The following ATF7IP2 variants were observed in gnomAD, a reference collection of about 807,000 sequenced individuals.
The protein encoded by ATF7IP2 is activating transcription factor 7 interacting protein 2.
In ATF7IP2, 42 loss-of-function variants were observed where a neutral mutation model predicts 64.2. The ratio of observed to expected loss-of-function variants is 0.65; its 90% CI spans 0.51 to 0.85. The LOEUF (loss-of-function observed/expected upper bound fraction) is 0.85, where lower values mean the gene tolerates loss of function less well. Ranked by LOEUF, ATF7IP2 falls within the 40% of genes least tolerant of loss-of-function variation. The probability of loss-of-function intolerance (pLI) is 0.00; values close to 1 mark genes in which losing one functional copy is unlikely to be tolerated. For synonymous variants in ATF7IP2, 308 were observed against 272.8 expected (o/e 1.13, Z -1.27); for missense variants, 933 against 784.2 (o/e 1.19, Z -2.27).
Position 10,470,600 on chromosome 16 carries a change from A to G in ATF7IP2, c.1353-1510A>G, listed in dbSNP as rs182927826. Among the ~76,000 whole-genome samples, 1,133 of 152,094 alleles carry G rather than the reference A, an allele frequency of 7.4e-3. 9 individuals are homozygous for G. Among genetic ancestry groups the G allele is most frequent in the South Asian group, 0.032 (154 of 4,804 alleles). Reference sequence around the variant, plus strand: ...GGAGTTCAAGACCAGCCTGGCCAACATAAAAAAACATTTTTAAAAAAATTT... The same window carrying G: ...GGAGTTCAAGACCAGCCTGGCCAACGTAAAAAAACATTTTTAAAAAAATTT... On this transcript the variant is annotated intron_variant, in intron 9 of 13. Coordinates refer to ENST00000562102, the MANE Select transcript of ATF7IP2 (RefSeq NM_001393719.1).
chr16:10,393,408 A>G (rs888369217), intron 1 of ATF7IP2, among the ~76,000 whole-genome samples: 1 of 152,020 alleles, frequency 6.6e-6, no homozygotes, highest in Non-Finnish European at 1.5e-5. Flanking sequence ...ATAAGCCAAA[A>G]AGTGAAAGGC....
chr16:10,388,137 C>T (rs1049532939), intron 1 of ATF7IP2, among the ~76,000 whole-genome samples: 18 of 152,112 alleles, frequency 1.2e-4, no homozygotes, highest in Non-Finnish European at 1.9e-4. Flanking sequence ...GTGATCAGCC[C>T]GCCTCTGCCT....
At chr16:10,453,094 G>A (rs958001074) in intron 8 of ATF7IP2, among the ~76,000 whole-genome samples, 3 of 152,120 alleles carry the variant, frequency 2.0e-5, no homozygotes, top group African/African-American at 2.4e-5. Flanking sequence ...AAGAGTGAAC[G>A]GTTCTCTCTC....
intron 1 of ATF7IP2, among the ~76,000 whole-genome samples, chr16:10,411,422 G>C (rs1290683625): frequency 2.0e-5 from 3 of 150,200 alleles, no homozygotes; most frequent in Admixed American, 6.7e-5. Context: ...TTGAGACAGA[G>C]TCTGGCTGTG....
intron 12 of ATF7IP2, 133 bp from the exon 13 acceptor site, chr16:10,480,746 T>G: frequency 1.4e-6 from 1 of 711,900 alleles, no homozygotes; most frequent in Non-Finnish European, 2.4e-6. Flanking sequence ...ATTAAAAGTG[T>G]ATCTTCATAA....
intron 9 of ATF7IP2, among the ~76,000 whole-genome samples, chr16:10,466,749 T>C (rs776775594): frequency 2.6e-5 from 4 of 152,190 alleles, no homozygotes; most frequent in Non-Finnish European, 5.9e-5. Flanking sequence ...GTTTCCCTAA[T>C]GGTGTCTTTA....
At chr16:10,401,060 C>T (rs2047523328) in intron 1 of ATF7IP2, among the ~76,000 whole-genome samples, 2 of 152,176 alleles carry the variant, frequency 1.3e-5, no homozygotes. Flanking sequence ...ATATTGAGAT[C>T]ATATGGTTTT....
chr16:10,399,558 C>T lies in ATF7IP2; in HGVS notation c.-242+13436C>T, dbSNP rs1268946797. ...GTTGATCTGTATGTCTATTTCTATA[C>T]ATTACTATGCTGTTTTGATTACCAT... is the stretch of plus-strand genomic sequence containing the variant. On this transcript the variant is annotated intron_variant, in intron 1 of 13. Coordinates refer to ENST00000562102, the MANE Select transcript of ATF7IP2 (RefSeq NM_001393719.1). 2.0e-5 allele frequency among the ~76,000 whole-genome samples: 3 copies of T among 152,178 alleles called. No homozygotes were observed. In the East Asian group the frequency reaches 5.8e-4, roughly 29 times the overall value.
intron 1 of ATF7IP2, among the ~76,000 whole-genome samples, chr16:10,391,316 G>C (rs1041852355): frequency 1.3e-5 from 2 of 152,044 alleles, no homozygotes; most frequent in Admixed American, 6.6e-5. Flanking sequence ...AGCTACTCAG[G>C]AGGCTGAGAT....
intron 6 of ATF7IP2, among the ~76,000 whole-genome samples, chr16:10,433,996 G>A (rs1012434355): frequency 2.6e-5 from 4 of 152,176 alleles, no homozygotes; most frequent in African/African-American, 7.2e-5. Context: ...AGTCTCTTTT[G>A]TACTAGTCAT....
rs554905758 is a variant in ATF7IP2 at position 10,449,814 on chromosome 16, C to T, written c.1195-7558C>T. ...TTGTTTTTAAGGGTTTTTCATGTCT[C>T]TATCTCCTTCAGTTCTGCTCTGATC... On this transcript the variant is annotated intron_variant, in intron 8 of 13. Transcript: ENST00000562102. 3 of 152,180 alleles carry T rather than the reference C, an allele frequency of 2.0e-5. No homozygotes were observed. In the East Asian group the frequency reaches 5.8e-4, roughly 29 times the overall value. The allele number at this position is 152,180 out of a possible 1,614,324, so 9.4% of individuals were successfully genotyped here.
intron 6 of ATF7IP2, among the ~76,000 whole-genome samples, chr16:10,436,225 G>A (rs562489834): frequency 1.1e-4 from 17 of 152,316 alleles, no homozygotes; most frequent in African/African-American, 3.8e-4. Context: ...AGCTGGACAT[G>A]GTGGAGCATG....
chr16:10,417,722 T>C (rs532350419), intron 2 of ATF7IP2, among the ~76,000 whole-genome samples: 2 of 152,254 alleles, frequency 1.3e-5, no homozygotes, highest in East Asian at 1.9e-4. Flanking sequence ...GCCAAAACAG[T>C]CTTCTCCAAG....
At chr16:10,393,596 G>A (rs574359627) in intron 1 of ATF7IP2, among the ~76,000 whole-genome samples, 13 of 152,260 alleles carry the variant, frequency 8.5e-5, no homozygotes, top group African/African-American at 2.9e-4. Context: ...TAATATGAGT[G>A]TTCTGAACAT....
intron 1 of ATF7IP2, among the ~76,000 whole-genome samples, chr16:10,390,554 A>G (rs2047301661): frequency 1.3e-5 from 2 of 152,156 alleles, no homozygotes; most frequent in Admixed American, 1.3e-4. Flanking sequence ...AGGCCAAGGT[A>G]GAGGATAACT....
At chr16:10,418,605 C>G (rs2047925144) in intron 2 of ATF7IP2, among the ~76,000 whole-genome samples, 1 of 152,190 alleles carries the variant, frequency 6.6e-6, no homozygotes. Context: ...TTAATAGCTG[C>G]TAATCTGTCT....
intron 9 of ATF7IP2, among the ~76,000 whole-genome samples, chr16:10,463,068 C>T (rs1458236592): frequency 6.6e-6 from 1 of 152,174 alleles, no homozygotes; most frequent in African/African-American, 2.4e-5. Flanking sequence ...ACATTTTAGT[C>T]ACTAAGATTT....
In ATF7IP2 at chr16:10,473,464, T is replaced by G. The variant is rs1429763446; in HGVS notation, c.1427-15T>G. Reference sequence around the variant, plus strand: ...TATTGTGTAATAAATTTGTCAAATGTCTAATTTCTTTCAGATACCAGAAAA... The same window carrying G: ...TATTGTGTAATAAATTTGTCAAATGGCTAATTTCTTTCAGATACCAGAAAA... On this transcript the variant is annotated splice_polypyrimidine_tract_variant and intron_variant, in intron 10 of 13. Transcript: ENST00000562102. 6.6e-7 allele frequency: 1 copy of G among 1,508,296 alleles called. No homozygotes were observed. Among genetic ancestry groups the G allele is most frequent in the Non-Finnish European group, 9.2e-7 (1 of 1,089,732 alleles). 93.4% of individuals were successfully genotyped at this position (1,508,296 alleles called of 1,614,324 possible).
At chr16:10,395,686 T>C (rs926025039) in intron 1 of ATF7IP2, among the ~76,000 whole-genome samples, 2 of 152,302 alleles carry the variant, frequency 1.3e-5, no homozygotes, top group African/African-American at 4.8e-5. Flanking sequence ...AGCTACATGA[T>C]CTTTTTAAGA....
Sources: gnomAD v4.1 joint callset for allele counts (sites outside exome capture counted in the v4.1 genomes callset) on GRCh38, gnomAD v4.1.1 for gene constraint, MANE v1.5 for transcripts, NCBI Gene and HGNC (gene_info 2026-07-23, HGNC 2026-07-21) for gene names.